PLCB1: variants seen among roughly 807,000 people sequenced by gnomAD.
PLCB1 encodes 1-phosphatidylinositol 4,5-bisphosphate phosphodiesterase beta-1.
In PLCB1, 46 loss-of-function variants were observed where a neutral mutation model predicts 161.8. That is an observed-to-expected ratio of 0.28 (90% confidence interval 0.22 to 0.36). The LOEUF is 0.36. Ranked by LOEUF, PLCB1 falls within the 10% of genes least tolerant of loss-of-function variation. The pLI is 1.00. For synonymous variants in PLCB1, 517 were observed against 503.7 expected, an observed-to-expected ratio of 1.03 and a Z score of -0.35; for missense variants, 1,016 against 1,472.5, an observed-to-expected ratio of 0.69 and a Z score of 5.07.
Position 8,788,443 on chromosome 20 carries a change from T to C in PLCB1, c.3112-6T>C, listed in dbSNP as rs1983592850. The C allele has an allele frequency of 6.2e-7, 1 of 1,612,180 alleles. No individual in the cohort carries two copies. The highest frequency in any genetic ancestry group is 8.5e-7 in the Non-Finnish European group (1 of 1,179,268). On this transcript the variant is annotated splice_polypyrimidine_tract_variant and splice_region_variant and intron_variant, in intron 27 of 31. Transcript: ENST00000338037. ...GAAATAGCAAACTGACATTTTCTTT[T>C]TCCAGCTTATTCAAAAGTTGACGGA...
intron 3 of PLCB1, among the ~76,000 whole-genome samples, chr20:8,449,706 G>A (rs1032551671): frequency 1.3e-5 from 2 of 152,126 alleles, no homozygotes; most frequent in Non-Finnish European, 2.9e-5. Context: ...TCATTCCTGC[G>A]TTCTTCTAAT....
intron 3 of PLCB1, among the ~76,000 whole-genome samples, chr20:8,436,446 C>A (rs201041152): frequency 1.1e-3 from 65 of 56,670 alleles, no homozygotes; most frequent in Admixed American, 3.1e-3. Flanking sequence ...AAAAAAAAAA[C>A]AAGACAACAA....
intron 2 of PLCB1, among the ~76,000 whole-genome samples, chr20:8,332,377 A>G (rs1185410287): frequency 1.3e-5 from 2 of 152,372 alleles, no homozygotes; most frequent in Admixed American, 6.5e-5. Flanking sequence ...AAACCTAAAT[A>G]GATCCCAAAA....
intron 9 of PLCB1, among the ~76,000 whole-genome samples, chr20:8,683,682 A>T (rs914445725): frequency 2.0e-5 from 3 of 152,194 alleles, no homozygotes; most frequent in African/African-American, 7.2e-5. Context: ...CAACTCAGAA[A>T]GGTTACAACA....
At chr20:8,827,647 A>G (rs6077428) in intron 31 of PLCB1, among the ~76,000 whole-genome samples, 44,681 of 152,082 alleles carry the variant, frequency 0.29, 6,684 homozygotes, top group Middle Eastern at 0.41. Context: ...GCCAATATGC[A>G]ACTTTTCCAC....
intron 3 of PLCB1, among the ~76,000 whole-genome samples, chr20:8,521,931 C>CCA (rs1984365133): frequency 1.3e-5 from 2 of 152,188 alleles, no homozygotes; most frequent in Non-Finnish European, 2.9e-5. Flanking sequence ...CTCCTTCTTT[C>CCA]TTAACATCAG....
intron 31 of PLCB1, among the ~76,000 whole-genome samples, chr20:8,814,442 T>G (rs1984982465): frequency 6.6e-6 from 1 of 152,196 alleles, no homozygotes; most frequent in Non-Finnish European, 1.5e-5. Context: ...AAATAGTTCT[T>G]TCCTTTTAAC....
intron 2 of PLCB1, among the ~76,000 whole-genome samples, chr20:8,370,383 C>T (rs556830945): frequency 6.6e-6 from 1 of 152,196 alleles, no homozygotes; most frequent in East Asian, 1.9e-4. Flanking sequence ...TATTGAATGT[C>T]CTCCCACGTG....
intron 2 of PLCB1, among the ~76,000 whole-genome samples, chr20:8,284,692 A>G (rs2749967): frequency 0.38 from 58,358 of 152,062 alleles, 12,715 homozygotes; most frequent in African/African-American, 0.59. Context: ...ATATGAGTGC[A>G]CATTGATAAC....
intron 3 of PLCB1, among the ~76,000 whole-genome samples, chr20:8,570,290 C>T (rs182383246): frequency 6.6e-6 from 1 of 152,174 alleles, no homozygotes; most frequent in Admixed American, 6.5e-5. Flanking sequence ...CCCTCTGCAA[C>T]AGTGGTGGAG....
chr20:8,638,377 AACTCT>A (rs1437243402), intron 4 of PLCB1, among the ~76,000 whole-genome samples: 3 of 152,046 alleles, frequency 2.0e-5, no homozygotes, highest in African/African-American at 7.2e-5. Flanking sequence ...CAAGTGATAG[AACTCT>A]ATCACAAGCA....
At chr20:8,503,953 A>T (rs1338998873) in intron 3 of PLCB1, among the ~76,000 whole-genome samples, 1 of 152,202 alleles carries the variant, frequency 6.6e-6, no homozygotes, top group East Asian at 1.9e-4. Flanking sequence ...TCCCATTATC[A>T]ATATTTCCTC....
At chr20:8,775,007 C>A (rs898148090) in intron 27 of PLCB1, among the ~76,000 whole-genome samples, 7 of 149,890 alleles carry the variant, frequency 4.7e-5, no homozygotes, top group African/African-American at 1.7e-4. Context: ...TTTGAAATCT[C>A]ATAAGCAAAT....
At chr20:8,206,362 C>A (rs1350739468) in intron 2 of PLCB1, among the ~76,000 whole-genome samples, 2 of 151,892 alleles carry the variant, frequency 1.3e-5, no homozygotes, top group East Asian at 3.9e-4. Flanking sequence ...ATATAGTGCC[C>A]CTCAGTTAAA....
intron 3 of PLCB1, among the ~76,000 whole-genome samples, chr20:8,380,925 AC>A (rs1406127888): frequency 6.6e-6 from 1 of 152,078 alleles, no homozygotes; most frequent in Non-Finnish European, 1.5e-5. Flanking sequence ...CTATTTGAAT[AC>A]CCTTTATTTC....
intron 31 of PLCB1, among the ~76,000 whole-genome samples, chr20:8,876,051 A>G (rs1324478612): frequency 6.6e-6 from 1 of 152,174 alleles, no homozygotes; most frequent in Non-Finnish European, 1.5e-5. Context: ...TTTGAACTTG[A>G]CCGTATTGCC....
intron 2 of PLCB1, among the ~76,000 whole-genome samples, chr20:8,323,433 A>G (rs1244592063): frequency 6.6e-6 from 1 of 152,130 alleles, no homozygotes; most frequent in Non-Finnish European, 1.5e-5. Context: ...CTGGGGCTAG[A>G]GCATCTCAAA....
intron 11 of PLCB1, among the ~76,000 whole-genome samples, chr20:8,704,817 T>C (rs1190074482): frequency 1.3e-5 from 2 of 152,130 alleles, no homozygotes; most frequent in African/African-American, 4.8e-5. Context: ...GTTGGCAAGC[T>C]GGAGACCCAG....
At chr20:8,770,816 A>G (rs1982638021) in intron 26 of PLCB1, among the ~76,000 whole-genome samples, 1 of 152,232 alleles carries the variant, frequency 6.6e-6, no homozygotes, top group African/African-American at 2.4e-5. Flanking sequence ...ATAGAATGGG[A>G]GGCAGGTTGG....
Sources: gnomAD v4.1 joint callset for allele counts (sites outside exome capture counted in the v4.1 genomes callset) on GRCh38, gnomAD v4.1.1 for gene constraint, MANE v1.5 for transcripts, NCBI Gene and HGNC (gene_info 2026-07-23, HGNC 2026-07-21) for gene names.